Variants in PIEZO1 observed in about 807,000 individuals in gnomAD.
PIEZO1 encodes the protein piezo type mechanosensitive ion channel component 1 (Er blood group).
Under a neutral mutation model 297.2 loss-of-function variants are expected in PIEZO1, and 296 were observed. That is an observed-to-expected ratio of 1.00 (90% CI 0.91 to 1.10). The LOEUF is 1.10. Among genes scored for constraint, PIEZO1 ranks in the 50% least tolerant of loss-of-function variants. The pLI is 0.00. For missense variants in PIEZO1, 5,018 were observed against 3,455.5 expected, an observed-to-expected ratio of 1.45 and a Z score of -11.34; for synonymous variants, 2,427 against 1,507.5, an observed-to-expected ratio of 1.61 and a Z score of -14.13.
chr16:88,758,936 G>C (rs917511276), intron 1 of PIEZO1, among the ~76,000 whole-genome samples: 1 of 152,230 alleles, frequency 6.6e-6, no homozygotes, highest in African/African-American at 2.4e-5. Flanking sequence ...GTGTAAAACT[G>C]AAATTCCACA....
intron 29 of PIEZO1, 145 bp from the exon 30 acceptor site, chr16:88,725,225 C>A: frequency 1.4e-6 from 1 of 709,622 alleles, no homozygotes; most frequent in Non-Finnish European, 2.3e-6. Flanking sequence ...CCATGGGGCT[C>A]AGAGCCCATG....
In PIEZO1 at chr16:88,726,378, A is replaced by G. The variant is rs1904432277; in HGVS notation, c.3874T>C (p.Phe1292Leu). 1 of 1,550,480 alleles carries G rather than the reference A, an allele frequency of 6.4e-7. No homozygotes were observed. Among genetic ancestry groups the G allele is most frequent in the East Asian group, 2.4e-5 (1 of 40,920 alleles). The part of the protein sequence containing the change: ...EAGIIWDSVC[F>L]FFLLLQRRVF... ...CGGCGCTGCAGCAGCAGGAAGAAGA[A>G]GCAGACGCTGTCCCAGATGATGCCA... The change falls in exon 27 of 51, where the codon TTC becomes CTC. Residue 1292 changes from phenylalanine (F) to leucine (L), a missense_variant. Phe to Leu is a conservative substitution (Grantham distance 22). Coordinates refer to ENST00000301015, the MANE Select transcript of PIEZO1 (RefSeq NM_001142864.4).
intron 1 of PIEZO1, among the ~76,000 whole-genome samples, chr16:88,777,783 G>C (rs1046608342): frequency 1.3e-5 from 2 of 152,124 alleles, no homozygotes; most frequent in Admixed American, 1.3e-4. Context: ...GGGTCCAGGA[G>C]GTGAGTGAGA....
rs551750587 is a variant in PIEZO1 at position 88,726,742 on chromosome 16, G to T, written c.3672C>A (p.Thr1224=). 31 of 1,549,946 alleles carry T rather than the reference G, an allele frequency of 2.0e-5. No homozygotes were observed. Among genetic ancestry groups the T allele is most frequent in the Non-Finnish European group, 2.4e-5 (28 of 1,146,796 alleles). The change falls in exon 25 of 51, where the codon ACC becomes ACA. Residue 1224 remains threonine, a synonymous_variant. Transcript: ENST00000301015. The part of the protein sequence containing the change: ...LWDCLILYNV[T]VIISKNMLSL... ...ACAGCATGTTCTTGGAGATGATGAC[G>T]GTGACGTTGTACAGAATGAGGCAGT...
intron 2 of PIEZO1, chr16:88,743,849 A>G: frequency 2.8e-6 from 1 of 356,706 alleles, no homozygotes; most frequent in South Asian, 2.0e-5. Context: ...CCCTGCAGCT[A>G]TGACCTCTGA....
In PIEZO1 at chr16:88,722,388, G is replaced by A. The variant is rs572923230; in HGVS notation, c.4785C>T (p.Gly1595=). The change falls in exon 36 of 51, where the codon GGC becomes GGT. Residue 1595 remains glycine (G), a synonymous_variant. Transcript: ENST00000301015. ...NAPSTVSSGL[G]AEEPLSSMTD... ...TCATGCTGCTGAGTGGCTCCTCCGCGCCCAGCCCACTGGGGAGGGAAGCCG... is the reference window on the plus strand; with the variant it reads ...TCATGCTGCTGAGTGGCTCCTCCGCACCCAGCCCACTGGGGAGGGAAGCCG... 66 of 1,502,782 alleles carry A rather than the reference G, an allele frequency of 4.4e-5. No homozygotes were observed. Among genetic ancestry groups the A allele is most frequent in the Admixed American group, 1.1e-4 (5 of 46,418 alleles). The allele number at this position is 1,502,782 out of a possible 1,614,324, so 93.1% of individuals were successfully genotyped here.
intron 5 of PIEZO1, 82 bp from the exon 6 acceptor site, chr16:88,738,818 C>G (rs563561705): frequency 7.7e-7 from 1 of 1,305,404 alleles, no homozygotes; most frequent in Non-Finnish European, 1.0e-6. Context: ...CAGCCAGGAG[C>G]GTGGGAGGCG....
At chr16:88,743,650 C>T (rs1479421856) in intron 2 of PIEZO1, 1 of 456,578 alleles carries the variant, frequency 2.2e-6, no homozygotes, top group Non-Finnish European at 4.4e-6. Context: ...GACACTCAGC[C>T]CCCTCTTTCT....
intron 2 of PIEZO1, among the ~76,000 whole-genome samples, chr16:88,747,409 G>A (rs1211627509): frequency 2.6e-5 from 4 of 152,324 alleles, no homozygotes; most frequent in African/African-American, 9.6e-5. Flanking sequence ...CCAGCTACTC[G>A]GGAGGCCGAG....
rs1157199632 is a variant in PIEZO1, at chr16:88,734,005, G to GCTCCTGCTGCTC, written c.2218_2229dup (p.Glu740_Glu743dup). 5.8e-6 allele frequency: 9 copies of GCTCCTGCTGCTC among 1,547,158 alleles called. No homozygotes were observed. The East Asian group carries it at 2.0e-4, about 34-fold the overall frequency. ...TCCTCCTCCTGCTGCTGCTGCTGAT[G>GCTCCTGCTGCTC]CTCCTGCTGCTCCTCCCGCAGCAGT... On this transcript the variant is annotated inframe_insertion, in exon 17 of 51. Transcript: ENST00000301015.
At chr16:88,762,352 C>T (rs917376216) in intron 1 of PIEZO1, among the ~76,000 whole-genome samples, 2 of 152,214 alleles carry the variant, frequency 1.3e-5, no homozygotes, top group African/African-American at 4.8e-5. Context: ...ATGGCCTCCC[C>T]CACCTGAGGT....
chr16:88,772,775 C>CAA (rs59210137), intron 1 of PIEZO1, among the ~76,000 whole-genome samples: 27,414 of 122,046 alleles, frequency 0.22, 3,158 homozygotes, highest in Middle Eastern at 0.31. Flanking sequence ...GAGACTCTGT[C>CAA]AAAAAAAAAA....
intron 1 of PIEZO1, among the ~76,000 whole-genome samples, chr16:88,751,360 G>A (rs972830437): frequency 1.6e-4 from 24 of 152,294 alleles, no homozygotes; most frequent in African/African-American, 5.3e-4. Flanking sequence ...AGGGGCACAC[G>A]GCAAACTCAA....
Position 88,722,064 on chromosome 16 carries a change from C to G in PIEZO1, c.4958G>C (p.Arg1653Pro). The G allele has an allele frequency of 3.9e-6, 6 of 1,545,010 alleles. No homozygotes were observed. Among genetic ancestry groups the G allele is most frequent in the Non-Finnish European group, 5.2e-6 (6 of 1,144,976 alleles). Residue 1653 changes from arginine (R) to proline (P), a missense_variant and splice_region_variant, in exon 37 of 51, where the codon CGC (arginine) becomes CCC (proline). Transcript: ENST00000301015. ...RTASELLLDR[R>P]LRIPELEEAE... ...CTCCTCCAGCTCTGGGATGCGCAGGCGCCTACAGGGAGACCCGCGTGTTTG... is the reference window on the plus strand; with the variant it reads ...CTCCTCCAGCTCTGGGATGCGCAGGGGCCTACAGGGAGACCCGCGTGTTTG...
chr16:88,757,129 G>A (rs1317012542), intron 1 of PIEZO1, among the ~76,000 whole-genome samples: 2 of 152,178 alleles, frequency 1.3e-5, no homozygotes, highest in African/African-American at 4.8e-5. Context: ...CGGTCCCTGG[G>A]GAAGGGAAGG....
intron 5 of PIEZO1, 126 bp from the exon 6 acceptor site, chr16:88,738,862 G>T: frequency 2.4e-6 from 2 of 825,884 alleles, no homozygotes; most frequent in Non-Finnish European, 3.8e-6. Flanking sequence ...GAGGGCCACA[G>T]GACAGCCTCC....
intron 27 of PIEZO1, 80 bp downstream of exon 27, chr16:88,726,204 C>T (rs1904417681): frequency 4.8e-6 from 6 of 1,261,226 alleles, no homozygotes; most frequent in Non-Finnish European, 5.4e-6. Flanking sequence ...GGGCCGGGGC[C>T]TGAGACAGTG....
At chr16:88,747,622 C>T (rs1170822367) in intron 2 of PIEZO1, among the ~76,000 whole-genome samples, 1 of 152,226 alleles carries the variant, frequency 6.6e-6, no homozygotes, top group Admixed American at 6.5e-5. Flanking sequence ...GAGCGACCTT[C>T]CACCTGCAGC....
chr16:88,782,719 G>C (rs939872712), intron 1 of PIEZO1, among the ~76,000 whole-genome samples: 1 of 152,222 alleles, frequency 6.6e-6, no homozygotes, highest in Non-Finnish European at 1.5e-5. Flanking sequence ...AGAGGGAGGG[G>C]GCACTCCAAA....
Sources: allele counts gnomAD v4.1 joint callset (sites outside exome capture counted in the v4.1 genomes callset), GRCh38; gene constraint gnomAD v4.1.1; transcripts MANE v1.5; gene names NCBI Gene and HGNC (gene_info 2026-07-23, HGNC 2026-07-21).